COL24A1: variants seen among roughly 807,000 people sequenced by gnomAD.
The protein encoded by COL24A1 is collagen alpha-1(XXIV) chain.
A neutral mutation model predicts 253.9 loss-of-function variants in COL24A1; 224 were observed. The ratio of observed to expected loss-of-function variants is 0.88; its 90% CI spans 0.79 to 0.99. The LOEUF (loss-of-function observed/expected upper bound fraction) is 0.99. Among genes scored for constraint, COL24A1 ranks in the 50% least tolerant of loss-of-function variants. The pLI, the probability that COL24A1 is intolerant of heterozygous loss-of-function variation, is 0.00. For missense variants in COL24A1, 2,131 were observed against 2,068.5 expected (o/e 1.03, Z -0.59); for synonymous variants, 685 against 673.7 (o/e 1.02, Z -0.26).
At chr1:85,783,264 T>G (rs1336675335) in intron 51 of COL24A1, among the ~76,000 whole-genome samples, 1 of 137,726 alleles carries the variant, frequency 7.3e-6, no homozygotes, top group African/African-American at 2.6e-5. Context: ...TTCTGATGAT[T>G]CTTTTTTTTT....
chr1:85,769,798 G>A (rs747395637), intron 53 of COL24A1, among the ~76,000 whole-genome samples: 3 of 152,120 alleles, frequency 2.0e-5, no homozygotes, highest in South Asian at 2.1e-4. Context: ...GGGATAGCAT[G>A]ACTGGTACCA....
In COL24A1 at chr1:85,733,041, T is replaced by C. The variant is rs554919632; in HGVS notation, c.4998+1708A>G. On this transcript the variant is annotated intron_variant, in intron 59 of 59. Coordinates refer to ENST00000370571, the MANE Select transcript of COL24A1 (RefSeq NM_152890.7). ...AGAGGTACTAGTGAGTCACTGAATG[T>C]TTCTGGGCCCAACTGTACAAGTTAA... Among the ~76,000 whole-genome samples, 49 of 152,276 alleles carry C rather than the reference T, an allele frequency of 3.2e-4. No homozygotes were observed. In the South Asian group the frequency reaches 9.5e-3, roughly 30 times the overall value.
In COL24A1 at chr1:85,827,321, A is replaced by G. The variant is rs560762845; in HGVS notation, c.3682-3583T>C. ...AGCTTTTTGATGTGCTGCTGGATTCAGTTTGCCAGTATTTTATTGAGGATT... is the reference window on the plus strand; with the variant it reads ...AGCTTTTTGATGTGCTGCTGGATTCGGTTTGCCAGTATTTTATTGAGGATT... On this transcript the variant is annotated intron_variant, in intron 43 of 59. Coordinates refer to ENST00000370571, the MANE Select transcript of COL24A1 (RefSeq NM_152890.7). Among the ~76,000 whole-genome samples, 457 of 151,348 alleles carry G rather than the reference A, an allele frequency of 3.0e-3. 5 individuals are homozygous for G. The highest frequency in any genetic ancestry group is 0.01 in the Middle Eastern group (3 of 294).
At chr1:85,829,321 G>C (rs1480437265) in intron 43 of COL24A1, among the ~76,000 whole-genome samples, 1 of 151,622 alleles carries the variant, frequency 6.6e-6, no homozygotes, top group African/African-American at 2.4e-5. Context: ...TTCCTTTGTG[G>C]GTAACCCGAC....
At chr1:86,100,838 G>A (rs76878563) in intron 5 of COL24A1, among the ~76,000 whole-genome samples, 2,818 of 152,130 alleles carry the variant, frequency 0.019, 32 homozygotes, top group Non-Finnish European at 0.032. Flanking sequence ...GTGGGATAGA[G>A]CATAAAAGCT....
At chr1:85,942,020 T>C (rs1393552) in intron 24 of COL24A1, among the ~76,000 whole-genome samples, 5,831 of 152,218 alleles carry the variant, frequency 0.038, 185 homozygotes, top group African/African-American at 0.08. Context: ...CACAGTGTAC[T>C]TAAACATAGG....
chr1:86,066,071 C>T (rs912287745), intron 7 of COL24A1, among the ~76,000 whole-genome samples: 1 of 152,092 alleles, frequency 6.6e-6, no homozygotes, highest in Non-Finnish European at 1.5e-5. Context: ...AAAAGATTCA[C>T]AAACTAATGC....
intron 25 of COL24A1, among the ~76,000 whole-genome samples, chr1:85,910,989 A>G (rs1685307426): frequency 6.6e-6 from 1 of 151,828 alleles, no homozygotes; most frequent in Admixed American, 6.6e-5. Context: ...GTAAGAATGG[A>G]AATAGGAACA....
intron 45 of COL24A1, among the ~76,000 whole-genome samples, chr1:85,818,377 T>C (rs547605999): frequency 6.6e-6 from 1 of 152,274 alleles, no homozygotes; most frequent in African/African-American, 2.4e-5. Flanking sequence ...TGTCCCTACT[T>C]TCAGGAAGGG....
intron 47 of COL24A1, among the ~76,000 whole-genome samples, chr1:85,812,452 G>A (rs1200014733): frequency 6.6e-6 from 1 of 152,180 alleles, no homozygotes; most frequent in Non-Finnish European, 1.5e-5. Flanking sequence ...AAAGATGTTA[G>A]TAAAGTGAAC....
chr1:85,892,005 T>C (rs926704837), intron 31 of COL24A1, among the ~76,000 whole-genome samples: 5 of 152,168 alleles, frequency 3.3e-5, no homozygotes, highest in Non-Finnish European at 7.4e-5. Context: ...AATGACTATT[T>C]TGGTTGTTAT....
chr1:85,882,095 A>G (rs749700683), intron 32 of COL24A1, among the ~76,000 whole-genome samples: 3 of 152,216 alleles, frequency 2.0e-5, no homozygotes, highest in African/African-American at 4.8e-5. Flanking sequence ...TTAAAAGTGT[A>G]TTATTTAATC....
intron 17 of COL24A1, 44 bp downstream of exon 17, chr1:86,022,494 T>A: frequency 1.3e-6 from 2 of 1,526,130 alleles, no homozygotes; most frequent in East Asian, 4.6e-5. Context: ...CTTTTGAATT[T>A]ACACTTTTTC....
At chr1:86,028,923 A>G (rs1030145145) in intron 14 of COL24A1, among the ~76,000 whole-genome samples, 1 of 152,218 alleles carries the variant, frequency 6.6e-6, no homozygotes, top group African/African-American at 2.4e-5. Flanking sequence ...TATGTCATGG[A>G]CATGTGGGTA....
At position 85,729,662 on chromosome 1, in the gene COL24A1, A is replaced by T. The variant is rs1386152432; in HGVS notation, c.*884T>A. On this transcript the variant is annotated 3_prime_UTR_variant, in exon 60 of 60. Transcript: ENST00000370571. Reference sequence around the variant, plus strand: ...CATTCCAGATGATCATGAACTTTAAAAACAGTATGGCACAACCCCCAATCT... The same window carrying T: ...CATTCCAGATGATCATGAACTTTAATAACAGTATGGCACAACCCCCAATCT... 3.3e-5 allele frequency: 5 copies of T among 152,622 alleles called. No homozygotes were observed. The highest frequency in any genetic ancestry group is 1.2e-4 in the African/African-American group (5 of 41,460). 9.5% of individuals were successfully genotyped at this position (152,622 alleles called of 1,614,324 possible). A position where few individuals can be genotyped will look rare whatever the true frequency, so the allele number is the denominator to read the frequency against.
intron 24 of COL24A1, among the ~76,000 whole-genome samples, chr1:85,953,868 TAAA>T (rs1030644247): frequency 1.3e-5 from 2 of 152,148 alleles, no homozygotes; most frequent in African/African-American, 4.8e-5. Flanking sequence ...CAGAGGTTAT[TAAA>T]AAATATTATT....
intron 48 of COL24A1, among the ~76,000 whole-genome samples, chr1:85,784,725 A>G (rs1330172246): frequency 6.6e-6 from 1 of 151,648 alleles, no homozygotes; most frequent in African/African-American, 2.4e-5. Flanking sequence ...TATTTTGTTT[A>G]TTTATTTATT....
At chr1:86,006,036 T>C (rs6576798) in intron 19 of COL24A1, among the ~76,000 whole-genome samples, 78,486 of 151,924 alleles carry the variant, frequency 0.52, 20,582 homozygotes, top group East Asian at 0.76. Context: ...AAAATTTATA[T>C]GAGGAAAACT....
chr1:86,054,551 C>T (rs549071416), intron 10 of COL24A1, among the ~76,000 whole-genome samples: 1 of 152,004 alleles, frequency 6.6e-6, no homozygotes, highest in Non-Finnish European at 1.5e-5. Flanking sequence ...AAATGCTCAA[C>T]GTAACTAATC....
Sources: gnomAD v4.1 joint callset for allele counts (sites outside exome capture counted in the v4.1 genomes callset) on GRCh38, gnomAD v4.1.1 for gene constraint, MANE v1.5 for transcripts, NCBI Gene and HGNC (gene_info 2026-07-23, HGNC 2026-07-21) for gene names.